NEK7: variants seen among roughly 807,000 people sequenced by gnomAD.
NEK7 encodes the protein NIMA related kinase 7.
Under a neutral mutation model 44.6 loss-of-function variants are expected in NEK7, and 18 were observed. The observed-to-expected ratio is 0.40, with a 90% confidence interval of 0.28 to 0.60. NEK7 has a LOEUF of 0.60. Ranked by LOEUF, NEK7 falls within the 20% of genes least tolerant of loss-of-function variation. The pLI, the probability that NEK7 is intolerant of heterozygous loss-of-function variation, is 0.38. For missense variants in NEK7, 256 were observed against 366.5 expected (o/e 0.70, Z 2.46); for synonymous variants, 130 against 121.1 (o/e 1.07, Z -0.48).
At chr1:198,238,940 C>T (rs1666610909) in intron 2 of NEK7, among the ~76,000 whole-genome samples, 1 of 152,124 alleles carries the variant, frequency 6.6e-6, no homozygotes, top group African/African-American at 2.4e-5. Context: ...TCTAGAGTTG[C>T]CCAACCTAGA....
At position 198,319,714 on chromosome 1, in the gene NEK7, T is replaced by C; in HGVS notation, c.*192T>C. 2.1e-6 allele frequency: 1 copy of C among 479,110 alleles called. No homozygotes were observed. Among genetic ancestry groups the C allele is most frequent in the Non-Finnish European group, 3.5e-6 (1 of 288,616 alleles). 29.7% of individuals were successfully genotyped at this position (479,110 alleles called of 1,614,324 possible). ...CCTCCTTGCAACCCCCAAATGACTT[T>C]GGAATAACTGAATTGCATGTTAGGA... On this transcript the variant is annotated 3_prime_UTR_variant, in exon 10 of 10. Coordinates refer to ENST00000367385, the MANE Select transcript of NEK7 (RefSeq NM_133494.3).
At chr1:198,252,408 G>A (rs977908400) in intron 2 of NEK7, among the ~76,000 whole-genome samples, 5 of 151,272 alleles carry the variant, frequency 3.3e-5, no homozygotes, top group African/African-American at 4.9e-5. Flanking sequence ...GTGCAGAGCT[G>A]AGTTCAATTC....
chr1:198,182,438 T>C (rs1447956174), intron 1 of NEK7, among the ~76,000 whole-genome samples: 1 of 152,070 alleles, frequency 6.6e-6, no homozygotes, highest in Non-Finnish European at 1.5e-5. Context: ...TGTGTGCGCA[T>C]GTGAGAGAGA....
intron 1 of NEK7, among the ~76,000 whole-genome samples, chr1:198,160,358 A>C (rs567612773): frequency 1.3e-5 from 2 of 151,968 alleles, no homozygotes; most frequent in African/African-American, 4.8e-5. Context: ...AAAAATGCAC[A>C]GTGTAGTATT....
intron 1 of NEK7, among the ~76,000 whole-genome samples, chr1:198,229,438 C>A (rs141035210): frequency 6.6e-6 from 1 of 152,194 alleles, no homozygotes; most frequent in Non-Finnish European, 1.5e-5. Flanking sequence ...GTCAGGGGAA[C>A]CCCAACTTGA....
chr1:198,279,609 ATCAGAATTAAG>A (rs1654132094), intron 7 of NEK7, among the ~76,000 whole-genome samples: 1 of 151,932 alleles, frequency 6.6e-6, no homozygotes, highest in East Asian at 1.9e-4. Flanking sequence ...AATGGTGACA[ATCAGAATTAAG>A]TAAAAGTTAT....
At chr1:198,290,890 T>A (rs1401109321) in intron 7 of NEK7, among the ~76,000 whole-genome samples, 1 of 152,196 alleles carries the variant, frequency 6.6e-6, no homozygotes, top group Non-Finnish European at 1.5e-5. Flanking sequence ...TGCAGTGACC[T>A]CCAGCAGCTC....
At chr1:198,310,276 C>T (rs1321037302) in intron 9 of NEK7, among the ~76,000 whole-genome samples, 1 of 152,130 alleles carries the variant, frequency 6.6e-6, no homozygotes, top group Non-Finnish European at 1.5e-5. Flanking sequence ...CCTTCACCCA[C>T]TTTTTGATGG....
chr1:198,269,786 T>C (rs1276525562), intron 5 of NEK7, among the ~76,000 whole-genome samples: 1 of 152,090 alleles, frequency 6.6e-6, no homozygotes, highest in Non-Finnish European at 1.5e-5. Context: ...AGTTGAAATA[T>C]TCAGTATTTC....
chr1:198,192,765 T>TGAGAACA (rs1665116810), intron 1 of NEK7, among the ~76,000 whole-genome samples: 1 of 152,066 alleles, frequency 6.6e-6, no homozygotes, highest in African/African-American at 2.4e-5. Flanking sequence ...TTGAAACTAA[T>TGAGAACA]GAGAACAGAG....
intron 1 of NEK7, among the ~76,000 whole-genome samples, chr1:198,211,597 G>T (rs1665771581): frequency 6.6e-6 from 1 of 152,076 alleles, no homozygotes; most frequent in African/African-American, 2.4e-5. Context: ...TTTAGCATAA[G>T]ATTGAAGAAA....
intron 9 of NEK7, among the ~76,000 whole-genome samples, chr1:198,312,114 G>T (rs1193880426): frequency 6.6e-6 from 1 of 152,142 alleles, no homozygotes; most frequent in Non-Finnish European, 1.5e-5. Flanking sequence ...CACAATTTCA[G>T]CTCCTGTTAT....
intron 1 of NEK7, among the ~76,000 whole-genome samples, chr1:198,184,906 G>A (rs771458325): frequency 4.6e-5 from 7 of 151,942 alleles, no homozygotes; most frequent in Non-Finnish European, 7.4e-5. Context: ...ACAAGGTCTC[G>A]CTATGTTGCC....
chr1:198,254,431 A>T (rs1035381038), intron 3 of NEK7, among the ~76,000 whole-genome samples: 2 of 152,068 alleles, frequency 1.3e-5, no homozygotes, highest in African/African-American at 4.8e-5. Flanking sequence ...TAAATGAAGC[A>T]TGTTTTATAT....
chr1:198,318,560 A>G (rs1655441728), intron 9 of NEK7, among the ~76,000 whole-genome samples: 1 of 152,162 alleles, frequency 6.6e-6, no homozygotes, highest in African/African-American at 2.4e-5. Context: ...AAATGTCTAA[A>G]CTGTTCCTAA....
At chr1:198,308,234 A>G (rs1188256767) in intron 9 of NEK7, among the ~76,000 whole-genome samples, 1 of 152,204 alleles carries the variant, frequency 6.6e-6, no homozygotes, top group Non-Finnish European at 1.5e-5. Flanking sequence ...ATTGTTTAAT[A>G]TAGGTTACAA....
At chr1:198,275,332 G>A (rs1653982514) in intron 5 of NEK7, among the ~76,000 whole-genome samples, 1 of 151,102 alleles carries the variant, frequency 6.6e-6, no homozygotes, top group Non-Finnish European at 1.5e-5. Flanking sequence ...CTATTTCATA[G>A]CATAAATATT....
chr1:198,204,754 C>A (rs1369787183), intron 1 of NEK7, among the ~76,000 whole-genome samples: 1 of 148,770 alleles, frequency 6.7e-6, no homozygotes, highest in Non-Finnish European at 1.5e-5. Flanking sequence ...TCAGGTATTT[C>A]ATTTACAGAT....
chr1:198,175,997 C>G (rs1051405910), intron 1 of NEK7, among the ~76,000 whole-genome samples: 1 of 152,130 alleles, frequency 6.6e-6, no homozygotes, highest in African/African-American at 2.4e-5. Flanking sequence ...TATGAACCTT[C>G]CTTTAGAGGG....
Sources: gnomAD v4.1 joint callset for allele counts (sites outside exome capture counted in the v4.1 genomes callset) on GRCh38, gnomAD v4.1.1 for gene constraint, MANE v1.5 for transcripts, NCBI Gene and HGNC (gene_info 2026-07-23, HGNC 2026-07-21) for gene names.